Variants in ERICH3 observed in about 807,000 individuals in gnomAD.
ERICH3 encodes the protein glutamate rich 3.
A neutral mutation model predicts 131.1 loss-of-function variants in ERICH3; 126 were observed. The ratio of observed to expected loss-of-function variants is 0.96; its 90% CI spans 0.83 to 1.11. The LOEUF is 1.11. Ranked by LOEUF, ERICH3 falls within the 50% of genes most tolerant of loss-of-function variation. The pLI, the probability that ERICH3 is intolerant of heterozygous loss-of-function variation, is 0.00. For missense variants in ERICH3, 2,050 were observed against 1,810.7 expected, an observed-to-expected ratio of 1.13 and a Z score of -2.40; for synonymous variants, 695 against 644.6, an observed-to-expected ratio of 1.08 and a Z score of -1.18.
Position 74,568,695 on chromosome 1 carries a change from GAGAA to G in ERICH3, c.*1759_*1762del, listed in dbSNP as rs1570777662. 6.6e-6 allele frequency: 1 copy of G among 152,112 alleles called. No individual in the cohort carries two copies. Among genetic ancestry groups the G allele is most frequent in the East Asian group, 1.9e-4 (1 of 5,204 alleles). 9.4% of individuals were successfully genotyped at this position (152,112 alleles called of 1,614,324 possible). A position where few individuals can be genotyped will look rare whatever the true frequency, so the allele number is the denominator to read the frequency against. On this transcript the variant is annotated 3_prime_UTR_variant, in exon 15 of 15. Coordinates refer to ENST00000326665, the MANE Select transcript of ERICH3 (RefSeq NM_001002912.5). Reference sequence around the variant, plus strand: ...CTTTTATATTGAGTGCCATTTACTAGAGAAAGAAAGACAGATAAATCAGAAGACA... The same window carrying G: ...CTTTTATATTGAGTGCCATTTACTAGAGAAAGACAGATAAATCAGAAGACA...
chr1:74,655,048 CT>C (rs1376684206), intron 1 of ERICH3, among the ~76,000 whole-genome samples: 1 of 152,098 alleles, frequency 6.6e-6, no homozygotes, highest in Non-Finnish European at 1.5e-5. Context: ...AAATACATAA[CT>C]TTCCTTCATA....
chr1:74,647,827 C>CT (rs1478395634), intron 2 of ERICH3, among the ~76,000 whole-genome samples: 1 of 152,086 alleles, frequency 6.6e-6, no homozygotes, highest in East Asian at 1.9e-4. Flanking sequence ...TATTGATAAT[C>CT]TTTTTTTGTA....
chr1:74,572,263 T>C lies in ERICH3; in HGVS notation c.3447A>G (p.Leu1149=). Residue 1149 remains leucine (L), a synonymous_variant, in exon 14 of 15, where the codon CTA becomes CTG. Coordinates refer to ENST00000326665, the MANE Select transcript of ERICH3 (RefSeq NM_001002912.5). ...CAAATATGGGAACCACTGTCTCTTT[T>C]AGTGAATCTTCTCCTAGAAGCCCTG... ...DNPGLLGEDS[L]KETVVPIFEA... The C allele has an allele frequency of 1.9e-6, 3 of 1,614,126 alleles. No individual in the cohort carries two copies. Among genetic ancestry groups the C allele is most frequent in the Non-Finnish European group, 2.5e-6 (3 of 1,180,020 alleles).
chr1:74,599,604 A>T (rs968684645), intron 11 of ERICH3, 91 bp downstream of exon 11: 2 of 1,100,244 alleles, frequency 1.8e-6, no homozygotes, highest in Non-Finnish European at 2.6e-6. Context: ...AGAGAAAAAA[A>T]AGAGGATTAT....
intron 14 of ERICH3, among the ~76,000 whole-genome samples, chr1:74,570,887 G>A (rs536296043): frequency 2.0e-5 from 3 of 152,206 alleles, no homozygotes; most frequent in South Asian, 2.1e-4. Flanking sequence ...TTGCCACACC[G>A]GGAAGAGCAG....
intron 11 of ERICH3, among the ~76,000 whole-genome samples, chr1:74,597,181 A>G (rs1239765393): frequency 6.6e-6 from 1 of 152,108 alleles, no homozygotes; most frequent in Admixed American, 6.6e-5. Context: ...TTTTTAATAC[A>G]TGCTACTTGT....
At chr1:74,668,615 A>G (rs1646713114) in intron 1 of ERICH3, among the ~76,000 whole-genome samples, 1 of 152,198 alleles carries the variant, frequency 6.6e-6, no homozygotes, top group African/African-American at 2.4e-5. Flanking sequence ...CATTGCCATA[A>G]CAAACCCCTT....
In ERICH3 at chr1:74,620,915, C is replaced by G. The variant is rs1196161757; in HGVS notation, c.820-1G>C. The G allele has an allele frequency of 1.9e-6, 3 of 1,561,216 alleles. No homozygotes were observed. Among genetic ancestry groups the G allele is most frequent in the Non-Finnish European group, 2.6e-6 (3 of 1,154,028 alleles). ...ATGTTTTATGAATCCTTCTTGAATC[C>G]TGAAATAAACAGAAAAATGAGGCTT... On this transcript the variant is annotated splice_acceptor_variant, in intron 7 of 14. Coordinates refer to ENST00000326665, the MANE Select transcript of ERICH3 (RefSeq NM_001002912.5). LOFTEE classifies it high-confidence loss of function.
chr1:74,648,799 T>C (rs1034952381), intron 2 of ERICH3, among the ~76,000 whole-genome samples: 2 of 152,194 alleles, frequency 1.3e-5, no homozygotes, highest in African/African-American at 4.8e-5. Flanking sequence ...GTTTTTAAAT[T>C]TGGGGGAAAT....
Position 74,606,782 on chromosome 1 carries a change from C to A in ERICH3, c.1308G>T (p.Glu436Asp), listed in dbSNP as rs1648415882. 1.9e-6 allele frequency: 3 copies of A among 1,613,284 alleles called. No homozygotes were observed. Among genetic ancestry groups the A allele is most frequent in the South Asian group, 2.2e-5 (2 of 91,052 alleles). ...TCTCATTTCTTTTTGGTATCACATACTCTCTCTCTTTCCTCACTTTCCCCT... is the reference window on the plus strand; with the variant it reads ...TCTCATTTCTTTTTGGTATCACATAATCTCTCTCTTTCCTCACTTTCCCCT... ...KAEGKVRKEREYVIPKRNEIK... is the reference protein window; with the variant it reads ...KAEGKVRKERDYVIPKRNEIK... Residue 436 changes from glutamate (E) to aspartate (D), a missense_variant, in exon 10 of 15, where the codon GAG (glutamate) becomes GAT (aspartate). By Grantham distance (45) the Glu-to-Asp change is conservative (BLOSUM62 2). Transcript: ENST00000326665.
intron 7 of ERICH3, 52 bp from the exon 8 acceptor site, chr1:74,620,966 G>A (rs1649195631): frequency 1.5e-6 from 2 of 1,368,678 alleles, no homozygotes; most frequent in East Asian, 2.5e-5. Flanking sequence ...TCTAATGAGA[G>A]TTCTTACCTG....
chr1:74,625,038 G>C (rs1422641143), intron 7 of ERICH3: 1 of 152,082 alleles, frequency 6.6e-6, no homozygotes, highest in Non-Finnish European at 1.5e-5. Context: ...TCTTGTGATG[G>C]TTAATTTTAC....
At chr1:74,643,966 T>A (rs374494519) in intron 3 of ERICH3, among the ~76,000 whole-genome samples, 9 of 152,192 alleles carry the variant, frequency 5.9e-5, no homozygotes, top group African/African-American at 2.2e-4. Context: ...AGGAATTGTA[T>A]GTAATTATTT....
At chr1:74,661,689 C>A (rs115474252) in intron 1 of ERICH3, among the ~76,000 whole-genome samples, 2 of 152,090 alleles carry the variant, frequency 1.3e-5, no homozygotes, top group African/African-American at 4.8e-5. Flanking sequence ...GCAACATATA[C>A]TTTACACAAA....
In ERICH3 at chr1:74,597,436, G is replaced by C. The variant is rs116209377; in HGVS notation, c.1726+2259C>G. Among the ~76,000 whole-genome samples, 465 of 152,064 alleles carry C rather than the reference G, an allele frequency of 3.1e-3. 2 individuals carry two copies. The highest frequency in any genetic ancestry group is 0.011 in the African/African-American group (457 of 41,526). ...TAACATCATTAATGAAACAACAAAA[G>C]AAAATAGCTAGCCAATTTAATTTTG... On this transcript the variant is annotated intron_variant, in intron 11 of 14. Transcript: ENST00000326665.
intron 9 of ERICH3, among the ~76,000 whole-genome samples, chr1:74,610,393 C>T (rs1325687357): frequency 6.7e-6 from 1 of 149,090 alleles, no homozygotes; most frequent in Admixed American, 6.8e-5. Flanking sequence ...ACATCTCTAT[C>T]TTGTATGCCT....
intron 1 of ERICH3, among the ~76,000 whole-genome samples, chr1:74,668,317 C>T (rs1026148432): frequency 6.6e-6 from 1 of 152,144 alleles, no homozygotes; most frequent in Non-Finnish European, 1.5e-5. Flanking sequence ...GGACACATCT[C>T]TCTTCATCTG....
chr1:74,569,904 C>G lies in ERICH3; in HGVS notation c.*554G>C, dbSNP rs1000613627. On this transcript the variant is annotated 3_prime_UTR_variant, in exon 15 of 15. Coordinates refer to ENST00000326665, the MANE Select transcript of ERICH3 (RefSeq NM_001002912.5). ...AATATACATGCCAAGAAATCTTTTG[C>G]TGGAAGAACTTAGAGATTTGGAGCA... 1 of 152,074 alleles carries G rather than the reference C, an allele frequency of 6.6e-6. No individual in the cohort carries two copies. The highest frequency in any genetic ancestry group is 2.4e-5 in the African/African-American group (1 of 41,388). The allele number at this position is 152,074 out of a possible 1,614,324, so 9.4% of individuals were successfully genotyped here.
chr1:74,596,952 G>A (rs1647879994), intron 11 of ERICH3, among the ~76,000 whole-genome samples: 1 of 152,058 alleles, frequency 6.6e-6, no homozygotes, highest in Non-Finnish European at 1.5e-5. Flanking sequence ...TGTCACAAGA[G>A]TGACAGCCTG....
Sources: allele counts gnomAD v4.1 joint callset (sites outside exome capture counted in the v4.1 genomes callset), GRCh38; gene constraint gnomAD v4.1.1; transcripts MANE v1.5; gene names NCBI Gene and HGNC (gene_info 2026-07-23, HGNC 2026-07-21).